The following ATP6V1B1 variants were observed in gnomAD, a reference collection of about 807,000 sequenced individuals.
The protein encoded by ATP6V1B1 is ATPase H+ transporting V1 subunit B1.
Under a neutral mutation model 62.1 loss-of-function variants are expected in ATP6V1B1, and 41 were observed. The ratio of observed to expected loss-of-function variants is 0.66; its 90% CI spans 0.51 to 0.86. The LOEUF (loss-of-function observed/expected upper bound fraction) is 0.86. ATP6V1B1 is among the 40% of genes least tolerant of loss of function. ATP6V1B1 has a pLI of 0.00. For synonymous variants in ATP6V1B1, 253 were observed against 273.4 expected (o/e 0.93, Z 0.74); for missense variants, 651 against 697.5 (o/e 0.93, Z 0.75).
intron 8 of ATP6V1B1, 148 bp downstream of exon 8, chr2:70,961,841 CTG>C (rs1680595666): frequency 1.2e-6 from 1 of 801,600 alleles, no homozygotes; most frequent in Admixed American, 2.0e-5. Context: ...GATAGGGAAA[CTG>C]AGGCCTGGGA....
At chr2:70,946,664 C>A (rs879960718) in intron 2 of ATP6V1B1, among the ~76,000 whole-genome samples, 6 of 152,188 alleles carry the variant, frequency 3.9e-5, no homozygotes, top group Non-Finnish European at 8.8e-5. Context: ...TTGAGAATAG[C>A]CAGCAATGTT....
At chr2:70,958,254 C>T in intron 3 of ATP6V1B1, 79 bp from the exon 4 acceptor site, 2 of 1,593,832 alleles carry the variant, frequency 1.3e-6, no homozygotes, top group Non-Finnish European at 1.7e-6. Context: ...TCCCTGAGAG[C>T]ACAGAAAGTG....
In ATP6V1B1 at chr2:70,962,326, C is replaced by T. The variant is rs61380747; in HGVS notation, c.786-451C>T. On this transcript the variant is annotated intron_variant, in intron 8 of 13. Coordinates refer to ENST00000234396, the MANE Select transcript of ATP6V1B1 (RefSeq NM_001692.4). The stretch of plus-strand genomic sequence containing the variant: ...ACAGTGAGAGGAGCAGTGAGAGGGA[C>T]GAAACCATCCAGAGGACATGCAGTG... Among the ~76,000 whole-genome samples the T allele has an allele frequency of 2.0e-3, 306 of 152,226 alleles. 1 individual carries two copies. Among genetic ancestry groups the T allele is most frequent in the African/African-American group, 7.0e-3 (291 of 41,520 alleles).
intron 8 of ATP6V1B1, 63 bp downstream of exon 8, chr2:70,961,756 T>A: frequency 6.6e-7 from 1 of 1,506,098 alleles, no homozygotes; most frequent in Non-Finnish European, 9.2e-7. Context: ...TTCCAAGACC[T>A]ACAGTACCAG....
chr2:70,959,183 A>G lies in ATP6V1B1; in HGVS notation c.445+88A>G. ...AAGTTCTGCCCAGACTCACAAGCAG[A>G]TCAGATGTGATGGGAGAGCAGCAAA... is the stretch of plus-strand genomic sequence containing the variant. On this transcript the variant is annotated intron_variant, in intron 5 of 13. Transcript: ENST00000234396. This position sits in a 1 kb window ranked among gnomAD's most constrained non-coding sequence, Gnocchi z 4.2. The G allele has an allele frequency of 7.1e-7, 1 of 1,408,836 alleles. No individual in the cohort carries two copies. Among genetic ancestry groups the G allele is most frequent in the Non-Finnish European group, 1.0e-6 (1 of 1,000,862 alleles). The allele number at this position is 1,408,836 out of a possible 1,614,324, so 87.3% of individuals were successfully genotyped here.
chr2:70,957,887 T>C (rs964001249), intron 2 of ATP6V1B1, 159 bp from the exon 3 acceptor site: 1 of 734,588 alleles, frequency 1.4e-6, no homozygotes, highest in Non-Finnish European at 2.3e-6. Flanking sequence ...CCAAACAGAA[T>C]TCAAACTTTC....
rs529405630 is a variant in ATP6V1B1 at position 70,943,399 on chromosome 2, G to C, written c.119-259G>C. The C allele has an allele frequency of 8.1e-6, 5 of 619,398 alleles. No homozygotes were observed. In the Admixed American group the frequency reaches 9.3e-5, roughly 11 times the overall value. The allele number at this position is 619,398 out of a possible 1,614,324, so 38.4% of individuals were successfully genotyped here. ...GGATGAGAGGCCTCTGTGTGGTGGG[G>C]GCGGACTCTGAGGAGGCCTCTGCCC... On this transcript the variant is annotated intron_variant, in intron 1 of 13. Coordinates refer to ENST00000234396, the MANE Select transcript of ATP6V1B1 (RefSeq NM_001692.4).
intron 2 of ATP6V1B1, among the ~76,000 whole-genome samples, chr2:70,951,099 C>T (rs553926411): frequency 4.6e-5 from 7 of 151,904 alleles, no homozygotes; most frequent in Non-Finnish European, 7.4e-5. Context: ...CCCTCTACCA[C>T]GCCTGGCTAA....
At chr2:70,954,063 C>G (rs1197063764) in intron 2 of ATP6V1B1, among the ~76,000 whole-genome samples, 1 of 152,054 alleles carries the variant, frequency 6.6e-6, no homozygotes, top group African/African-American at 2.4e-5. Context: ...CTTTATTCAG[C>G]TTTTCAAAAA....
intron 2 of ATP6V1B1, among the ~76,000 whole-genome samples, chr2:70,955,118 C>T (rs995030543): frequency 5.3e-5 from 8 of 152,116 alleles, no homozygotes; most frequent in South Asian, 2.1e-4. Context: ...CATGTGCTGC[C>T]TGTGGTCCTG....
rs555898073 is a variant in ATP6V1B1, at chr2:70,956,820, T to C, written c.175-1226T>C. 2.0e-5 allele frequency among the ~76,000 whole-genome samples: 3 copies of C among 152,158 alleles called. No homozygotes were observed. In the East Asian group the frequency reaches 5.8e-4, roughly 29 times the overall value. On this transcript the variant is annotated intron_variant, in intron 2 of 13. Transcript: ENST00000234396. ...CCCCAGGCTGATCTCAAACTCCTTA[T>C]GTGATCCACATGCCTCAGCCTCCCA...
rs111990655 is a variant in ATP6V1B1, at chr2:70,943,998, C to A, written c.174+285C>A. ...TATCCCTAACAAGCTGTCCTGCCTC[C>A]GTTTCCCTATCAGTGGCATGGACGT... is the stretch of plus-strand genomic sequence containing the variant. On this transcript the variant is annotated intron_variant, in intron 2 of 13. Coordinates refer to ENST00000234396, the MANE Select transcript of ATP6V1B1 (RefSeq NM_001692.4). The A allele has an allele frequency of 8.0e-4, 788 of 984,786 alleles. 7 individuals carry two copies. In the African/African-American group the frequency reaches 0.013, roughly 16 times the overall value. 61.0% of individuals were successfully genotyped at this position (984,786 alleles called of 1,614,324 possible). A position where few individuals can be genotyped will look rare whatever the true frequency, so the allele number is the denominator to read the frequency against.
At chr2:70,938,752 C>T in intron 1 of ATP6V1B1, 1 of 985,338 alleles carries the variant, frequency 1.0e-6, no homozygotes, top group Non-Finnish European at 1.2e-6. Context: ...GAGGAGGTAT[C>T]CTGGAGCTTC....
Position 70,964,844 on chromosome 2 carries a change from G to A in ATP6V1B1, c.1357G>A (p.Glu453Lys), listed in dbSNP as rs939076222. The stretch of plus-strand genomic sequence containing the variant: ...CTACCTGGAATTCCTGCAGAAGTTT[G>A]AGAAGAACTTCATCAATCAGGGTAA... ...LLYLEFLQKF[E>K]KNFINQGPYE... Residue 453 changes from glutamate to lysine, a missense_variant, in exon 13 of 14, where the codon GAG becomes AAG. Coordinates refer to ENST00000234396, the MANE Select transcript of ATP6V1B1 (RefSeq NM_001692.4). The A allele has an allele frequency of 4.4e-5, 71 of 1,614,056 alleles. No individual in the cohort carries two copies. The highest frequency in any genetic ancestry group is 6.0e-5 in the Non-Finnish European group (71 of 1,180,040).
intron 1 of ATP6V1B1, chr2:70,942,086 C>CAG (rs1244861241): frequency 3.6e-6 from 4 of 1,114,290 alleles, no homozygotes; most frequent in Non-Finnish European, 4.5e-6. Flanking sequence ...GAGAGAGAGA[C>CAG]AGAGAGAGAG....
intron 1 of ATP6V1B1, chr2:70,941,896 G>T: frequency 2.0e-6 from 2 of 987,622 alleles, no homozygotes; most frequent in Non-Finnish European, 2.4e-6. Flanking sequence ...GGCTCTGAGT[G>T]TAGCCATCGG....
chr2:70,939,895 G>A (rs11695103), intron 1 of ATP6V1B1: 74,368 of 152,146 alleles, frequency 0.49, 18,407 homozygotes, highest in East Asian at 0.66. Flanking sequence ...AGGCCATGAA[G>A]CGATGTGTTC....
chr2:70,957,883 A>G, intron 2 of ATP6V1B1, 163 bp from the exon 3 acceptor site: 1 of 717,398 alleles, frequency 1.4e-6, no homozygotes, highest in Non-Finnish European at 2.4e-6. Context: ...CCTCCCAAAC[A>G]GAATTCAAAC....
intron 2 of ATP6V1B1, among the ~76,000 whole-genome samples, chr2:70,957,493 G>A (rs1680467165): frequency 6.6e-6 from 1 of 152,112 alleles, no homozygotes; most frequent in Admixed American, 6.5e-5. Flanking sequence ...CATGCCACTG[G>A]TATCGAAGGA....
Sources: allele counts gnomAD v4.1 joint callset (sites outside exome capture counted in the v4.1 genomes callset), GRCh38; gene constraint gnomAD v4.1.1; non-coding constraint Gnocchi (gnomAD v3.1); transcripts MANE v1.5; gene names NCBI Gene and HGNC (gene_info 2026-07-23, HGNC 2026-07-21).